TTL: variants seen among roughly 807,000 people sequenced by gnomAD.
TTL encodes the protein tubulin tyrosine ligase, also known as tubulin--tyrosine ligase.
A neutral mutation model predicts 41.1 loss-of-function variants in TTL; 10 were observed. That is an observed-to-expected ratio of 0.24 (90% CI 0.15 to 0.41). The LOEUF (loss-of-function observed/expected upper bound fraction) is 0.41, where lower values mean the gene tolerates loss of function less well. Ranked by LOEUF, TTL falls within the 10% of genes least tolerant of loss-of-function variation. The pLI is 1.00. For synonymous variants in TTL, 175 were observed against 175.5 expected (o/e 1.00, Z 0.02); for missense variants, 367 against 460.4 (o/e 0.80, Z 1.86).
intron 2 of TTL, among the ~76,000 whole-genome samples, chr2:112,492,259 T>C (rs537451053): frequency 1.4e-3 from 206 of 152,364 alleles, no homozygotes; most frequent in African/African-American, 4.6e-3. Flanking sequence ...TGGAAAAATA[T>C]TTTATAATGC....
intron 3 of TTL, among the ~76,000 whole-genome samples, chr2:112,494,649 A>G (rs999064095): frequency 2.6e-5 from 4 of 151,968 alleles, no homozygotes; most frequent in African/African-American, 9.7e-5. Context: ...TTCCTTCCCA[A>G]CTTTGCCCAC....
chr2:112,514,844 A>C (rs1197415038), intron 5 of TTL, among the ~76,000 whole-genome samples: 1 of 152,114 alleles, frequency 6.6e-6, no homozygotes. Context: ...CATGATTGTT[A>C]ATGCTTTTCA....
intron 6 of TTL, among the ~76,000 whole-genome samples, chr2:112,527,412 A>T (rs1682397149): frequency 6.6e-6 from 1 of 152,008 alleles, no homozygotes; most frequent in Non-Finnish European, 1.5e-5. Context: ...TGACAGTGGG[A>T]TGTTGAAGTC....
At chr2:112,524,515 T>A (rs1164433117) in intron 6 of TTL, among the ~76,000 whole-genome samples, 1 of 152,216 alleles carries the variant, frequency 6.6e-6, no homozygotes, top group Non-Finnish European at 1.5e-5. Context: ...TATCTCATTG[T>A]GGTTTTGATT....
intron 5 of TTL, among the ~76,000 whole-genome samples, chr2:112,518,678 C>CTTT (rs11421229): frequency 1.1e-4 from 16 of 140,134 alleles, no homozygotes; most frequent in African/African-American, 4.2e-4. Flanking sequence ...TTTTTCTTTT[C>CTTT]TTTTTTTTTT....
At position 112,534,587 on chromosome 2, in the gene TTL, CT is replaced by C. The variant is rs1181092238; in HGVS notation, c.*5795del. 6.6e-6 allele frequency: 1 copy of C among 152,202 alleles called. No homozygotes were observed. The allele number at this position is 152,202 out of a possible 1,614,324, so 9.4% of individuals were successfully genotyped here. ...GTAAGTCCCTACTCCTAGGTCTTGT[CT>C]TTATTTGATGTGACTAAGAGGTTAC... On this transcript the variant is annotated 3_prime_UTR_variant, in exon 7 of 7. Transcript: ENST00000233336.
At position 112,498,355 on chromosome 2, in the gene TTL, C is replaced by A. The variant is rs560010954; in HGVS notation, c.470-2851C>A. ...AACCAAAAAACTACAGTACTACTTA[C>A]AGTCACCCTAGAGAAAATGTGATGC... On this transcript the variant is annotated intron_variant, in intron 3 of 6. Coordinates refer to ENST00000233336, the MANE Select transcript of TTL (RefSeq NM_153712.5). Among the ~76,000 whole-genome samples the A allele has an allele frequency of 1.4e-3, 212 of 152,184 alleles. 1 individual carries two copies. Among genetic ancestry groups the A allele is most frequent in the Non-Finnish European group, 2.2e-3 (150 of 68,002 alleles).
intron 5 of TTL, among the ~76,000 whole-genome samples, chr2:112,518,368 A>C (rs1167359731): frequency 6.6e-6 from 1 of 151,752 alleles, no homozygotes; most frequent in African/African-American, 2.4e-5. Context: ...TTGTCAATTC[A>C]GGTTGAATAT....
At chr2:112,523,901 C>T (rs1443414677) in intron 6 of TTL, among the ~76,000 whole-genome samples, 1 of 151,972 alleles carries the variant, frequency 6.6e-6, no homozygotes, top group East Asian at 1.9e-4. Flanking sequence ...CCCATTAACT[C>T]ATCATTTACA....
At chr2:112,499,234 G>C (rs1293212728) in intron 3 of TTL, among the ~76,000 whole-genome samples, 2 of 152,114 alleles carry the variant, frequency 1.3e-5, no homozygotes, top group African/African-American at 4.8e-5. Context: ...AGAATTGCTT[G>C]AACCAGGGGG....
chr2:112,488,316 C>G (rs751832663), intron 2 of TTL, among the ~76,000 whole-genome samples: 1 of 152,200 alleles, frequency 6.6e-6, no homozygotes, highest in Non-Finnish European at 1.5e-5. Flanking sequence ...CAAAGGACTT[C>G]CTGCAGAGCC....
chr2:112,495,908 T>C (rs1681511226), intron 3 of TTL, among the ~76,000 whole-genome samples: 1 of 152,154 alleles, frequency 6.6e-6, no homozygotes, highest in Admixed American at 6.5e-5. Flanking sequence ...CATCTAGCCA[T>C]TGGTACTCAT....
intron 5 of TTL, among the ~76,000 whole-genome samples, chr2:112,513,633 A>ATAAATATT (rs1559017331): frequency 6.7e-6 from 1 of 148,964 alleles, no homozygotes; most frequent in Non-Finnish European, 1.5e-5. Context: ...TTATACAAGT[A>ATAAATATT]TGAATATTTA....
chr2:112,531,104 T>A lies in TTL; in HGVS notation c.*2309T>A, dbSNP rs1682498170. ...GAGCAGTCCTCCCGTCTCAGCCTCC[T>A]GAGTAGCTGAGACTACAGGTGCACA... On this transcript the variant is annotated 3_prime_UTR_variant, in exon 7 of 7. Transcript: ENST00000233336. 4.7e-6 allele frequency: 1 copy of A among 210,794 alleles called. No individual in the cohort carries two copies. The allele number at this position is 210,794 out of a possible 1,614,324, so 13.1% of individuals were successfully genotyped here. A position where few individuals can be genotyped will look rare whatever the true frequency, so the allele number is the denominator to read the frequency against.
chr2:112,482,892 A>G lies in TTL; in HGVS notation c.157+391A>G, dbSNP rs1681132539. On this transcript the variant is annotated intron_variant, in intron 1 of 6. Coordinates refer to ENST00000233336, the MANE Select transcript of TTL (RefSeq NM_153712.5). The surrounding 1 kb of genome is among the most constrained non-coding windows in gnomAD (Gnocchi z 5.3). ...CTCCGCAGAGCGGGCGGCTGGAGTCATCTTTTGCAGCTCGTCTGCACTGAG... is the reference window on the plus strand; with the variant it reads ...CTCCGCAGAGCGGGCGGCTGGAGTCGTCTTTTGCAGCTCGTCTGCACTGAG... Among the ~76,000 whole-genome samples, 1 of 152,128 alleles carries G rather than the reference A, an allele frequency of 6.6e-6. No homozygotes were observed. Among genetic ancestry groups the G allele is most frequent in the Non-Finnish European group, 1.5e-5 (1 of 68,012 alleles).
At chr2:112,490,281 G>C (rs1056277473) in intron 2 of TTL, among the ~76,000 whole-genome samples, 2 of 152,114 alleles carry the variant, frequency 1.3e-5, no homozygotes, top group African/African-American at 4.8e-5. Flanking sequence ...AGCTGGGCAT[G>C]GTGGTGTGCG....
rs556865700 is a variant in TTL at position 112,482,564 on chromosome 2, C to G, written c.157+63C>G. 327 of 1,488,122 alleles carry G rather than the reference C, an allele frequency of 2.2e-4. 3 individuals are homozygous for G. The African/African-American group carries it at 4.2e-3, about 19-fold the overall frequency. The allele number at this position is 1,488,122 out of a possible 1,614,324, so 92.2% of individuals were successfully genotyped here. On this transcript the variant is annotated intron_variant, in intron 1 of 6. Transcript: ENST00000233336. This position sits in a 1 kb window ranked among gnomAD's most constrained non-coding sequence, Gnocchi z 5.3. Reference sequence around the variant, plus strand: ...GCGGCCCTGCGCGCCTCCCGCGGCCCGTTAGAACCGGCGCTTTTGTTTTTA... The same window carrying G: ...GCGGCCCTGCGCGCCTCCCGCGGCCGGTTAGAACCGGCGCTTTTGTTTTTA...
intron 5 of TTL, among the ~76,000 whole-genome samples, chr2:112,511,717 A>G (rs1423806388): frequency 6.6e-6 from 1 of 151,200 alleles, no homozygotes; most frequent in Non-Finnish European, 1.5e-5. Context: ...GGCACATGCT[A>G]TCATGCCCGG....
chr2:112,484,517 G>C (rs566327366), intron 1 of TTL, among the ~76,000 whole-genome samples: 6 of 151,844 alleles, frequency 4.0e-5, no homozygotes, highest in African/African-American at 9.7e-5. Flanking sequence ...CGCCCACTTC[G>C]TCCTCCCAAA....
Sources: gnomAD v4.1 joint callset for allele counts (sites outside exome capture counted in the v4.1 genomes callset) on GRCh38, gnomAD v4.1.1 for gene constraint, Gnocchi (gnomAD v3.1) non-coding constraint, MANE v1.5 for transcripts, NCBI Gene and HGNC (gene_info 2026-07-23, HGNC 2026-07-21) for gene names.